The following STYXL2 variants were observed in gnomAD, a reference collection of about 807,000 sequenced individuals.
STYXL2 encodes the protein serine/threonine/tyrosine interacting like 2.
STYXL2 carries 44 observed loss-of-function variants against 52.4 expected under a neutral mutation model. The observed-to-expected ratio is 0.84, with a 90% CI of 0.66 to 1.08. The LOEUF is 1.08. Among genes scored for constraint, STYXL2 ranks in the 50% least tolerant of loss-of-function variants. The pLI is 0.00. For synonymous variants in STYXL2, 604 were observed against 586.9 expected (o/e 1.03, Z -0.42); for missense variants, 1,604 against 1,471.7 (o/e 1.09, Z -1.47).
At chr1:167,097,159 G>C (rs947033869) in intron 2 of STYXL2, among the ~76,000 whole-genome samples, 2 of 152,138 alleles carry the variant, frequency 1.3e-5, no homozygotes, top group Admixed American at 1.3e-4. Context: ...TAGCTGTCTT[G>C]CTTGTCCATT....
intron 5 of STYXL2, among the ~76,000 whole-genome samples, chr1:167,120,909 T>A (rs1571344961): frequency 1.0e-5 from 1 of 100,154 alleles, no homozygotes; most frequent in East Asian, 2.0e-4. Flanking sequence ...GAGGTATGTA[T>A]GTGTATATAT....
chr1:167,094,833 G>T lies in STYXL2; in HGVS notation c.-16-1G>T. 1 of 1,603,566 alleles carries T rather than the reference G, an allele frequency of 6.2e-7. No homozygotes were observed. Among genetic ancestry groups the T allele is most frequent in the Non-Finnish European group, 8.5e-7 (1 of 1,173,066 alleles). ...CTGCCTTTTTCTTGCCAAACTTTCA[G>T]AGGTTGGCAGGTTGTCATGGCGACC... On this transcript the variant is annotated splice_acceptor_variant, in intron 1 of 5. Transcript: ENST00000361200. LOFTEE classifies it low-confidence loss of function (5UTR_SPLICE).
At chr1:167,119,566 A>G (rs1571344044) in intron 5 of STYXL2, 100 bp downstream of exon 5, 2 of 999,908 alleles carry the variant, frequency 2.0e-6, no homozygotes, top group East Asian at 2.6e-5. Context: ...TGTGAGGGGT[A>G]TCTGTCTTAA....
At chr1:167,105,672 T>C (rs968295932) in intron 2 of STYXL2, among the ~76,000 whole-genome samples, 1 of 152,228 alleles carries the variant, frequency 6.6e-6, no homozygotes, top group Non-Finnish European at 1.5e-5. Context: ...GTTTTAGGTC[T>C]TGCCCCCACA....
chr1:167,127,130 C>A lies in STYXL2; in HGVS notation c.1999C>A (p.Pro667Thr). 1 of 1,614,094 alleles carries A rather than the reference C, an allele frequency of 6.2e-7. No individual in the cohort carries two copies. The highest frequency in any genetic ancestry group is 8.5e-7 in the Non-Finnish European group (1 of 1,179,986). Reference protein sequence around the residue: ...IPLSAFWSADPSVSADGDTTS... With the variant: ...IPLSAFWSADTSVSADGDTTS... ...CCTGTCTGCGTTCTGGTCTGCAGAC[C>A]CCTCAGTCAGCGCTGATGGGGACAC... Residue 667 changes from proline to threonine, a missense_variant, in exon 6 of 6, where the codon CCC (proline) becomes ACC (threonine). Physicochemically the swap from Pro to Thr is conservative, Grantham distance 38. Transcript: ENST00000361200.
At chr1:167,116,662 T>TTG (rs1181479669) in intron 3 of STYXL2, among the ~76,000 whole-genome samples, 2 of 149,600 alleles carry the variant, frequency 1.3e-5, no homozygotes, top group Non-Finnish European at 3.0e-5. Flanking sequence ...TTTTTTTTTT[T>TTG]TTTTTTGAGA....
At chr1:167,113,653 A>C in intron 2 of STYXL2, 57 bp from the exon 3 acceptor site, 1 of 1,303,944 alleles carries the variant, frequency 7.7e-7, no homozygotes, top group Non-Finnish European at 1.1e-6. Flanking sequence ...CATCTAAAAG[A>C]ATGCCTTCAG....
Position 167,116,637 on chromosome 1 carries a change from C to CT in STYXL2, c.206-679dup, listed in dbSNP as rs1458043342. On this transcript the variant is annotated intron_variant, in intron 3 of 5. Transcript: ENST00000361200. Reference sequence around the variant, plus strand: ...TTCACTCATTTGGTAAATACTTCTACTTTTTTTTTTTTGGTTTTTTTTTTT... The same window carrying CT: ...TTCACTCATTTGGTAAATACTTCTACTTTTTTTTTTTTTGGTTTTTTTTTTT... Among the ~76,000 whole-genome samples the CT allele has an allele frequency of 4.6e-3, 566 of 123,736 alleles. 5 individuals carry two copies. Among genetic ancestry groups the CT allele is most frequent in the African/African-American group, 0.013 (410 of 32,194 alleles). The allele number at this position is 123,736 out of a possible 152,430, so 81.2% of individuals were successfully genotyped here.
chr1:167,104,453 T>C (rs1474817284), intron 2 of STYXL2, among the ~76,000 whole-genome samples: 2 of 152,302 alleles, frequency 1.3e-5, no homozygotes, highest in East Asian at 3.9e-4. Flanking sequence ...TTAACTGTGC[T>C]CTCCTTTCCC....
chr1:167,117,874 A>G (rs918200405), intron 4 of STYXL2, among the ~76,000 whole-genome samples: 7 of 152,216 alleles, frequency 4.6e-5, no homozygotes, highest in Non-Finnish European at 7.3e-5. Context: ...TGACATCTGT[A>G]GCTACCACAG....
rs896641548 is a variant in STYXL2, at chr1:167,113,862, G to C, written c.205+58G>C. The C allele has an allele frequency of 3.7e-6, 5 of 1,354,156 alleles. No individual in the cohort carries two copies. In the African/African-American group the frequency reaches 5.7e-5, roughly 16 times the overall value. 83.9% of individuals were successfully genotyped at this position (1,354,156 alleles called of 1,614,324 possible). A position where few individuals can be genotyped will look rare whatever the true frequency, so the allele number is the denominator to read the frequency against. On this transcript the variant is annotated intron_variant, in intron 3 of 5. Coordinates refer to ENST00000361200, the MANE Select transcript of STYXL2 (RefSeq NM_001080426.3). ...TCCAGTGGTCATCTGGAGACCCTTA[G>C]AGGGGGGCCATTGGAAGACGTCAAT...
chr1:167,126,202 G>A lies in STYXL2; in HGVS notation c.1071G>A (p.Gly357=), dbSNP rs1365675245. ...EEKLYEQWKK[G]QGLLSDKVPQ... ...AACTGTACGAGCAGTGGAAGAAGGG[G>A]CAGGGCCTCCTCTCAGACAAGGTCC... is the stretch of plus-strand genomic sequence containing the variant. The change falls in exon 6 of 6, where the codon GGG becomes GGA. Residue 357 remains glycine (G), a synonymous_variant. Coordinates refer to ENST00000361200, the MANE Select transcript of STYXL2 (RefSeq NM_001080426.3). 1.3e-6 allele frequency: 2 copies of A among 1,533,286 alleles called. No individual in the cohort carries two copies. The highest frequency in any genetic ancestry group is 8.7e-7 in the Non-Finnish European group (1 of 1,144,964). The allele number at this position is 1,533,286 out of a possible 1,614,324, so 95.0% of individuals were successfully genotyped here.
At position 167,104,916 on chromosome 1, in the gene STYXL2, A is replaced by G. The variant is rs548395048; in HGVS notation, c.111-8794A>G. The stretch of plus-strand genomic sequence containing the variant: ...CAATTCCACTACATTCCGTGTCTGG[A>G]CAGCAGGCAACTAGTTTAAAGCAAC... On this transcript the variant is annotated intron_variant, in intron 2 of 5. Transcript: ENST00000361200. Among the ~76,000 whole-genome samples the G allele has an allele frequency of 2.1e-4, 32 of 152,340 alleles. No individual in the cohort carries two copies. The South Asian group carries it at 4.1e-3, about 20-fold the overall frequency.
At chr1:167,108,250 AC>A (rs1162690537) in intron 2 of STYXL2, among the ~76,000 whole-genome samples, 1 of 152,082 alleles carries the variant, frequency 6.6e-6, no homozygotes, top group Admixed American at 6.6e-5. Flanking sequence ...CTGACTGATC[AC>A]CCTCCATCTG....
In STYXL2 at chr1:167,126,431, C is replaced by T. The variant is rs1667968203; in HGVS notation, c.1300C>T (p.Leu434=). 1 of 1,569,338 alleles carries T rather than the reference C, an allele frequency of 6.4e-7. No individual in the cohort carries two copies. Residue 434 remains leucine (L), a synonymous_variant, in exon 6 of 6, where the codon CTG becomes TTG. Transcript: ENST00000361200. ...CTCGGTGGGGAGGCGGCGGCGCACC[C>T]TGAGCGAGAGCAGCGCCTGGGAGAG... The part of the protein sequence containing the change: ...GSSVGRRRRT[L]SESSAWESVS...
rs372926134 is a variant in STYXL2 at position 167,128,594 on chromosome 1, A to C, written c.3463A>C (p.Arg1155=). Residue 1155 remains arginine (R), a synonymous_variant, in exon 6 of 6, where the codon AGG becomes CGG. Transcript: ENST00000361200. The stretch of plus-strand genomic sequence containing the variant: ...AGAAACCAGGACCAAGCTGCAGAAA[A>C]GGAGGGAGGACTGAGCTGGGGAAAA... ...QEETRTKLQK[R]RED 1.2e-6 allele frequency: 2 copies of C among 1,611,922 alleles called. No homozygotes were observed. Among genetic ancestry groups the C allele is most frequent in the South Asian group, 1.1e-5 (1 of 90,936 alleles).
chr1:167,105,922 T>A (rs4656519), intron 2 of STYXL2, among the ~76,000 whole-genome samples: 95,480 of 152,052 alleles, frequency 0.63, 30,800 homozygotes, highest in East Asian at 0.9. Context: ...TCTTTTCTCA[T>A]TTACAAAGCT....
At chr1:167,121,033 C>G (rs151234074) in intron 5 of STYXL2, among the ~76,000 whole-genome samples, 69 of 138,952 alleles carry the variant, frequency 5.0e-4, no homozygotes, top group Non-Finnish European at 7.8e-4. Context: ...TTTTTTTAGG[C>G]GGAGTCTCGC....
rs1158298399 is a variant in STYXL2 at position 167,126,954 on chromosome 1, T to C, written c.1823T>C (p.Val608Ala). The C allele has an allele frequency of 1.2e-6, 2 of 1,609,476 alleles. No individual in the cohort carries two copies. The highest frequency in any genetic ancestry group is 2.2e-5 in the East Asian group (1 of 44,802). ...KKVGSENKEE[V>A]VELSKGEDSA... ...GTGGGCAGTGAGAACAAGGAGGAGGTGGTGGAGCTCAGCAAGGGGGAGGAC... is the reference window on the plus strand; with the variant it reads ...GTGGGCAGTGAGAACAAGGAGGAGGCGGTGGAGCTCAGCAAGGGGGAGGAC... Residue 608 changes from valine (V) to alanine (A), a missense_variant, in exon 6 of 6, where the codon GTG becomes GCG. Physicochemically the swap from Val to Ala is moderately conservative, Grantham distance 64. Coordinates refer to ENST00000361200, the MANE Select transcript of STYXL2 (RefSeq NM_001080426.3).
Sources: gnomAD v4.1 joint callset for allele counts (sites outside exome capture counted in the v4.1 genomes callset) on GRCh38, gnomAD v4.1.1 for gene constraint, MANE v1.5 for transcripts, NCBI Gene and HGNC (gene_info 2026-07-23, HGNC 2026-07-21) for gene names.